Variants in PHLDB1 observed in about 807,000 individuals in gnomAD.
PHLDB1 encodes the protein pleckstrin homology like domain family B member 1, also known as pleckstrin homology-like domain family B member 1.
In PHLDB1, 65 loss-of-function variants were observed where a neutral mutation model predicts 139.3. The observed-to-expected ratio is 0.47, with a 90% CI of 0.38 to 0.57. PHLDB1 has a LOEUF of 0.57. Ranked by LOEUF, PHLDB1 falls within the 20% of genes least tolerant of loss-of-function variation. The pLI is 0.00. For synonymous variants in PHLDB1, 679 were observed against 734.5 expected, an observed-to-expected ratio of 0.92 and a Z score of 1.22; for missense variants, 1,624 against 1,839.7, an observed-to-expected ratio of 0.88 and a Z score of 2.14.
In PHLDB1 at chr11:118,645,790, G is replaced by A. The variant is rs782620837; in HGVS notation, c.3472G>A (p.Ala1158Thr). ...GGAGATGGAGAAGATGCTGAAAGAGGCTCATGCAGAGAAGAACCGGCTCAT... is the reference window on the plus strand; with the variant it reads ...GGAGATGGAGAAGATGCTGAAAGAGACTCATGCAGAGAAGAACCGGCTCAT... The part of the protein sequence containing the change: ...IEEMEKMLKE[A>T]HAEKNRLMES... Residue 1158 changes from alanine (A) to threonine (T), a missense_variant, in exon 17 of 23, where the codon GCT becomes ACT. Coordinates refer to ENST00000600882, the MANE Select transcript of PHLDB1 (RefSeq NM_001144758.3). The surrounding 1 kb of genome is among the most constrained non-coding windows in gnomAD (Gnocchi z 5.1). 5 of 1,613,648 alleles carry A rather than the reference G, an allele frequency of 3.1e-6. No individual in the cohort carries two copies. In the Admixed American group the frequency reaches 8.3e-5, roughly 27 times the overall value.
intron 6 of PHLDB1, 92 bp from the exon 7 acceptor site, chr11:118,631,115 C>A: frequency 8.6e-7 from 1 of 1,165,420 alleles, no homozygotes; most frequent in Non-Finnish European, 1.1e-6. Flanking sequence ...TGTAACCCTG[C>A]TCTCCCTCCT....
rs1939919359 is a variant in PHLDB1, at chr11:118,610,381, C to T, written c.-22+2682C>T. On this transcript the variant is annotated intron_variant, in intron 1 of 22. Coordinates refer to ENST00000600882, the MANE Select transcript of PHLDB1 (RefSeq NM_001144758.3). This position sits in a 1 kb window ranked among gnomAD's most constrained non-coding sequence, Gnocchi z 8.7. ...GTTTCCTTCCCTTCCTGACTCCTTC[C>T]TCTGACGGCGGCCCTTTCTCGAGGG... 1 of 887,300 alleles carries T rather than the reference C, an allele frequency of 1.1e-6. No individual in the cohort carries two copies. The highest frequency in any genetic ancestry group is 1.4e-6 in the Non-Finnish European group (1 of 740,082). The allele number at this position is 887,300 out of a possible 1,614,324, so 55.0% of individuals were successfully genotyped here.
chr11:118,642,153 C>A, intron 12 of PHLDB1, 101 bp from the exon 13 acceptor site: 1 of 1,116,192 alleles, frequency 9.0e-7, no homozygotes, highest in Non-Finnish European at 1.3e-6. Context: ...CTTCTTTCTT[C>A]TTTCTCCCTT....
rs1157087435 is a variant in PHLDB1 at position 118,608,725 on chromosome 11, C to A, written c.-22+1026C>A. ...ACGCACGCCTCCGCGACACTTCGCA[C>A]ACCTACGTCCCTGCGTCACGCCACC... On this transcript the variant is annotated intron_variant, in intron 1 of 22. Coordinates refer to ENST00000600882, the MANE Select transcript of PHLDB1 (RefSeq NM_001144758.3). This position sits in a 1 kb window ranked among gnomAD's most constrained non-coding sequence, Gnocchi z 6.7. Among the ~76,000 whole-genome samples the A allele has an allele frequency of 4.6e-5, 7 of 152,280 alleles. No individual in the cohort carries two copies. Among genetic ancestry groups the A allele is most frequent in the Admixed American group, 3.3e-4 (5 of 15,298 alleles).
At chr11:118,615,964 A>T in intron 3 of PHLDB1, 77 bp from the exon 4 acceptor site, 2 of 1,194,322 alleles carry the variant, frequency 1.7e-6, no homozygotes, top group Non-Finnish European at 2.4e-6. Flanking sequence ...ATATGTTTCC[A>T]CTGTGGCCCT....
At chr11:118,656,151 C>G (rs2137184153) in intron 22 of PHLDB1, among the ~76,000 whole-genome samples, 1 of 152,154 alleles carries the variant, frequency 6.6e-6, no homozygotes, top group East Asian at 1.9e-4. Flanking sequence ...GGAGGGGACC[C>G]TTAAAGACTA....
At position 118,611,039 on chromosome 11, in the gene PHLDB1, G is replaced by A. The variant is rs1940148913; in HGVS notation, c.-21-2777G>A. On this transcript the variant is annotated intron_variant, in intron 1 of 22. Coordinates refer to ENST00000600882, the MANE Select transcript of PHLDB1 (RefSeq NM_001144758.3). The surrounding 1 kb of genome is among the most constrained non-coding windows in gnomAD (Gnocchi z 4.7). Reference sequence around the variant, plus strand: ...GCCGGGCGGGCGGGTAATGACAGCCGGGTTGCTGGGGAGCCGCGGGCCAGA... The same window carrying A: ...GCCGGGCGGGCGGGTAATGACAGCCAGGTTGCTGGGGAGCCGCGGGCCAGA... 6.6e-6 allele frequency among the ~76,000 whole-genome samples: 1 copy of A among 152,218 alleles called. No homozygotes were observed. The highest frequency in any genetic ancestry group is 2.4e-5 in the African/African-American group (1 of 41,466).
rs1944931670 is a variant in PHLDB1 at position 118,632,245 on chromosome 11, G to A, written c.2328G>A (p.Leu776=). The A allele has an allele frequency of 1.2e-6, 2 of 1,613,846 alleles. No homozygotes were observed. Among genetic ancestry groups the A allele is most frequent in the Non-Finnish European group, 1.7e-6 (2 of 1,180,004 alleles). Residue 776 remains leucine, a synonymous_variant, in exon 9 of 23, where the codon CTG becomes CTA. Transcript: ENST00000600882. This position sits in a 1 kb window ranked among gnomAD's most constrained non-coding sequence, Gnocchi z 5.9. The part of the protein sequence containing the change: ...LQKEQKAVDQ[L]QEKLVALETG... ...AGGAGCAGAAGGCAGTGGATCAGCT[G>A]CAGGAGAAGCTGGTGGCCTTGGAGA... is the stretch of plus-strand genomic sequence containing the variant.
rs189823248 is a variant in PHLDB1, at chr11:118,610,110, C to T, written c.-22+2411C>T. ...TGAGGACCCGCCTGTCCTTTCTTCCCCCGACCCCTCCACCTCTGTGTTCTT... is the reference window on the plus strand; with the variant it reads ...TGAGGACCCGCCTGTCCTTTCTTCCTCCGACCCCTCCACCTCTGTGTTCTT... On this transcript the variant is annotated intron_variant, in intron 1 of 22. Coordinates refer to ENST00000600882, the MANE Select transcript of PHLDB1 (RefSeq NM_001144758.3). This position sits in a 1 kb window ranked among gnomAD's most constrained non-coding sequence, Gnocchi z 8.7. 2.6e-5 allele frequency among the ~76,000 whole-genome samples: 4 copies of T among 152,118 alleles called. No individual in the cohort carries two copies. The highest frequency in any genetic ancestry group is 1.5e-5 in the Non-Finnish European group (1 of 67,974).
At chr11:118,612,235 A>G (rs1439910703) in intron 1 of PHLDB1, among the ~76,000 whole-genome samples, 1 of 152,202 alleles carries the variant, frequency 6.6e-6, no homozygotes, top group Non-Finnish European at 1.5e-5. Context: ...TAGCTAATAA[A>G]TAAATAAAGT....
chr11:118,636,857 T>G (rs1344616978), intron 10 of PHLDB1: 1 of 152,144 alleles, frequency 6.6e-6, no homozygotes, highest in Non-Finnish European at 1.5e-5. Flanking sequence ...CTGGTGAGTA[T>G]AAGCTCCAGG....
intron 13 of PHLDB1, among the ~76,000 whole-genome samples, chr11:118,642,798 G>A (rs1946795953): frequency 6.6e-6 from 1 of 152,358 alleles, no homozygotes; most frequent in South Asian, 2.1e-4. Flanking sequence ...TGTGTCCTGG[G>A]AAGAACTGCC....
At chr11:118,624,896 C>T (rs1030640487) in intron 4 of PHLDB1, 38 bp from the exon 5 acceptor site, 2 of 1,607,746 alleles carry the variant, frequency 1.2e-6, no homozygotes, top group Admixed American at 3.3e-5. Context: ...AGGTGTGAGC[C>T]ACCACACCTG....
At chr11:118,639,112 C>T in intron 11 of PHLDB1, 50 bp from the exon 12 acceptor site, 2 of 1,580,398 alleles carry the variant, frequency 1.3e-6, no homozygotes, top group Non-Finnish European at 1.7e-6. Context: ...CCCCCTCACA[C>T]AGTCTCCTGG....
chr11:118,643,738 G>A (rs1555123465), intron 13 of PHLDB1, 62 bp from the exon 14 acceptor site: 1 of 1,612,828 alleles, frequency 6.2e-7, no homozygotes, highest in Non-Finnish European at 8.5e-7. Flanking sequence ...CAGACTAGGT[G>A]ACATGGGGGA....
Position 118,631,474 on chromosome 11 carries a change from C to G in PHLDB1, c.2095C>G (p.Gln699Glu). 7.0e-7 allele frequency: 1 copy of G among 1,423,118 alleles called. No homozygotes were observed. Among genetic ancestry groups the G allele is most frequent in the Non-Finnish European group, 9.2e-7 (1 of 1,091,944 alleles). The allele number at this position is 1,423,118 out of a possible 1,614,324, so 88.2% of individuals were successfully genotyped here. The change falls in exon 7 of 23, where the codon CAG becomes GAG. Residue 699 changes from glutamine to glutamate, a missense_variant. Physicochemically the swap from Gln to Glu is conservative, Grantham distance 29 (BLOSUM62 2). Coordinates refer to ENST00000600882, the MANE Select transcript of PHLDB1 (RefSeq NM_001144758.3). ...GTGCAGCAGCACTGAGAGCACCCAGCAGGAGGTGAGATGGAGGGGTAGGCA... is the reference window on the plus strand; with the variant it reads ...GTGCAGCAGCACTGAGAGCACCCAGGAGGAGGTGAGATGGAGGGGTAGGCA... ...EECSSTESTQ[Q>E]EHEDAPSTKL...
intron 12 of PHLDB1, 57 bp downstream of exon 12, chr11:118,639,308 G>GAAAGTGCATGAA: frequency 7.7e-7 from 1 of 1,301,732 alleles, no homozygotes; most frequent in Non-Finnish European, 1.1e-6. Context: ...GGGAGGCTCT[G>GAAAGTGCATGAA]AGTAACACAT....
In PHLDB1 at chr11:118,642,332, G is replaced by T. The variant is rs782200510; in HGVS notation, c.2815G>T (p.Ala939Ser). 6.2e-7 allele frequency: 1 copy of T among 1,611,932 alleles called. No individual in the cohort carries two copies. Among genetic ancestry groups the T allele is most frequent in the Non-Finnish European group, 8.5e-7 (1 of 1,179,866 alleles). Reference sequence around the variant, plus strand: ...GATGGCCGGGCTGGGGACTGGCCCCGCTGCAGCCTCCCCTCACTCTTCTCC... The same window carrying T: ...GATGGCCGGGCTGGGGACTGGCCCCTCTGCAGCCTCCCCTCACTCTTCTCC... ...ELMAGLGTGPAAASPHSSPPP... is the reference protein window; with the variant it reads ...ELMAGLGTGPSAASPHSSPPP... The change falls in exon 13 of 23, where the codon GCT becomes TCT. Residue 939 changes from alanine (A) to serine (S), a missense_variant. Ala to Ser is a moderately conservative substitution (Grantham distance 99). Coordinates refer to ENST00000600882, the MANE Select transcript of PHLDB1 (RefSeq NM_001144758.3).
At position 118,642,254 on chromosome 11, in the gene PHLDB1, A is replaced by T. The variant is rs1555121749; in HGVS notation, c.2737A>T (p.Met913Leu). 1 of 1,610,970 alleles carries T rather than the reference A, an allele frequency of 6.2e-7. No individual in the cohort carries two copies. Among genetic ancestry groups the T allele is most frequent in the Non-Finnish European group, 8.5e-7 (1 of 1,179,618 alleles). The change falls in exon 13 of 23, where the codon ATG becomes TTG. Residue 913 changes from methionine (M) to leucine (L), a missense_variant and splice_region_variant. By Grantham distance (15) the Met-to-Leu change is conservative. Coordinates refer to ENST00000600882, the MANE Select transcript of PHLDB1 (RefSeq NM_001144758.3). ...TTCCCCTCCCCATTCCCACCTCCAGATGGAGAAGCTGCTGCTCCCTGCTGT... is the reference window on the plus strand; with the variant it reads ...TTCCCCTCCCCATTCCCACCTCCAGTTGGAGAAGCTGCTGCTCCCTGCTGT... Reference protein sequence around the residue: ...FPKTTSTLKEMEKLLLPAVDL... With the variant: ...FPKTTSTLKELEKLLLPAVDL...
Sources: gnomAD v4.1 joint callset for allele counts (sites outside exome capture counted in the v4.1 genomes callset) on GRCh38, gnomAD v4.1.1 for gene constraint, Gnocchi (gnomAD v3.1) non-coding constraint, MANE v1.5 for transcripts, NCBI Gene and HGNC (gene_info 2026-07-23, HGNC 2026-07-21) for gene names.